RBFOX1: variants seen among roughly 807,000 people sequenced by gnomAD.
The protein encoded by RBFOX1 is RNA binding fox-1 homolog 1.
RBFOX1 carries 8 observed loss-of-function variants against 57.7 expected under a neutral mutation model. The observed-to-expected ratio is 0.14, with a 90% CI of 0.08 to 0.25. RBFOX1 has a LOEUF of 0.25. Among genes scored for constraint, RBFOX1 ranks in the 10% least tolerant of loss-of-function variants. The pLI is 1.00. For synonymous variants in RBFOX1, 326 were observed against 222.4 expected (o/e 1.47, Z -4.15); for missense variants, 611 against 548.5 (o/e 1.11, Z -1.14).
At position 7,460,565 on chromosome 16, in the gene RBFOX1, G is replaced by C. The variant is rs141551714; in HGVS notation, c.28-57582G>C. 1.5e-3 allele frequency among the ~76,000 whole-genome samples: 214 copies of C among 147,040 alleles called. 1 individual carries two copies. Among genetic ancestry groups the C allele is most frequent in the African/African-American group, 5.3e-3 (204 of 38,348 alleles). On this transcript the variant is annotated intron_variant, in intron 4 of 15. Coordinates refer to ENST00000550418, the MANE Select transcript of RBFOX1 (RefSeq NM_018723.4). Reference sequence around the variant, plus strand: ...GAACAACACACAGTGGGGTCTACCAGAGGGTGGAAGGTAGGAGGATGGAAA... The same window carrying C: ...GAACAACACACAGTGGGGTCTACCACAGGGTGGAAGGTAGGAGGATGGAAA...
intron 1 of RBFOX1, among the ~76,000 whole-genome samples, chr16:5,383,028 C>T (rs1448769383): frequency 6.6e-6 from 1 of 152,182 alleles, no homozygotes; most frequent in Non-Finnish European, 1.5e-5. Flanking sequence ...CCCTTGCTCA[C>T]ATGCTATAAA....
At chr16:6,790,579 C>A (rs1355030946) in intron 3 of RBFOX1, among the ~76,000 whole-genome samples, 3 of 152,156 alleles carry the variant, frequency 2.0e-5, no homozygotes, top group East Asian at 3.9e-4. Flanking sequence ...CCATTGTTTT[C>A]CCAACACTGC....
At position 6,522,588 on chromosome 16, in the gene RBFOX1, C is replaced by G. The variant is rs140033674; in HGVS notation, c.-63-132015C>G. Among the ~76,000 whole-genome samples the G allele has an allele frequency of 1.2e-3, 186 of 152,224 alleles. 1 individual carries two copies. Among genetic ancestry groups the G allele is most frequent in the African/African-American group, 4.3e-3 (180 of 41,530 alleles). On this transcript the variant is annotated intron_variant, in intron 2 of 15. Coordinates refer to ENST00000550418, the MANE Select transcript of RBFOX1 (RefSeq NM_018723.4). ...AGCTGACAGGAAAGTGTGAGGGTGG[C>G]TTGTAAAGTTAAATATGACCTGTTC...
At chr16:6,240,176 A>G (rs989199882) in intron 1 of RBFOX1, among the ~76,000 whole-genome samples, 27 of 152,176 alleles carry the variant, frequency 1.8e-4, no homozygotes, top group African/African-American at 6.3e-4. Flanking sequence ...CCAGAAGCCA[A>G]ACAGATGAGA....
At chr16:6,932,645 T>A (rs2076750294) in intron 3 of RBFOX1, among the ~76,000 whole-genome samples, 1 of 152,168 alleles carries the variant, frequency 6.6e-6, no homozygotes, top group African/African-American at 2.4e-5. Context: ...CCAGGCATCT[T>A]TCATGGAGAG....
At chr16:7,579,154 G>C (rs577222623) in intron 5 of RBFOX1, among the ~76,000 whole-genome samples, 22 of 152,330 alleles carry the variant, frequency 1.4e-4, no homozygotes, top group African/African-American at 5.3e-4. Context: ...ATTGTCACAT[G>C]TGGTCAACTG....
chr16:7,370,131 G>C (rs1420445541), intron 4 of RBFOX1, among the ~76,000 whole-genome samples: 5 of 152,140 alleles, frequency 3.3e-5, no homozygotes, highest in Admixed American at 6.5e-5. Context: ...AGGACAATTG[G>C]CAGCAACTCT....
At chr16:6,194,265 C>T (rs957413221) in intron 1 of RBFOX1, among the ~76,000 whole-genome samples, 2 of 152,162 alleles carry the variant, frequency 1.3e-5, no homozygotes, top group Non-Finnish European at 2.9e-5. Flanking sequence ...TTGCCTTATT[C>T]TCACTGTTCT....
At chr16:6,895,842 G>C (rs1246588205) in intron 3 of RBFOX1, among the ~76,000 whole-genome samples, 1 of 151,994 alleles carries the variant, frequency 6.6e-6, no homozygotes, top group Non-Finnish European at 1.5e-5. Flanking sequence ...TGGGATCAGT[G>C]TTACCATGTG....
intron 3 of RBFOX1, among the ~76,000 whole-genome samples, chr16:7,021,496 T>A (rs2039055610): frequency 6.9e-6 from 1 of 145,898 alleles, no homozygotes; most frequent in African/African-American, 2.5e-5. Context: ...TATATTAATA[T>A]TTTATATAAA....
chr16:7,165,654 C>G (rs1056761607), intron 4 of RBFOX1, among the ~76,000 whole-genome samples: 5 of 151,736 alleles, frequency 3.3e-5, no homozygotes, highest in Non-Finnish European at 5.9e-5. Context: ...GTCTCAAACT[C>G]CCGATCTCAG....
rs183614647 is a variant in RBFOX1, at chr16:6,923,087, G to C, written c.-15-128970G>C. 2.3e-3 allele frequency among the ~76,000 whole-genome samples: 355 copies of C among 152,288 alleles called. 2 individuals are homozygous for C. The highest frequency in any genetic ancestry group is 8.3e-3 in the African/African-American group (344 of 41,558). ...AGAGCTGTTATTACCCCTAAGCCCA[G>C]AAGGCAATGAGAGAAAGTGATTTGT... On this transcript the variant is annotated intron_variant, in intron 3 of 15. Transcript: ENST00000550418.
At chr16:6,025,018 C>CCTAT (rs2095160964) in intron 1 of RBFOX1, among the ~76,000 whole-genome samples, 1 of 152,176 alleles carries the variant, frequency 6.6e-6, no homozygotes, top group Non-Finnish European at 1.5e-5. Context: ...GAAGGTTGGT[C>CCTAT]CTATAGGCCC....
intron 2 of RBFOX1, among the ~76,000 whole-genome samples, chr16:6,512,571 G>A (rs2096277235): frequency 6.6e-6 from 1 of 152,160 alleles, no homozygotes; most frequent in Admixed American, 6.5e-5. Flanking sequence ...CCTCTTTTTA[G>A]TCTTCTGCCT....
intron 3 of RBFOX1, among the ~76,000 whole-genome samples, chr16:6,866,302 A>G (rs946889202): frequency 6.6e-6 from 1 of 151,972 alleles, no homozygotes; most frequent in Admixed American, 6.6e-5. Flanking sequence ...GATGGGCTTT[A>G]AGTTTCAAGC....
At chr16:6,152,313 T>C (rs1463969818) in intron 1 of RBFOX1, among the ~76,000 whole-genome samples, 1 of 152,190 alleles carries the variant, frequency 6.6e-6, no homozygotes, top group African/African-American at 2.4e-5. Flanking sequence ...CCTCATCTTT[T>C]CTCCTGCTCT....
chr16:5,253,098 G>C (rs1436479235), intron 1 of RBFOX1, among the ~76,000 whole-genome samples: 1 of 152,010 alleles, frequency 6.6e-6, no homozygotes. Context: ...GCTCAGCTTT[G>C]GAAGAAAGCC....
At chr16:7,202,291 C>A (rs1483941542) in intron 4 of RBFOX1, among the ~76,000 whole-genome samples, 2 of 108,654 alleles carry the variant, frequency 1.8e-5, no homozygotes, top group African/African-American at 7.7e-5. Flanking sequence ...ATTAGGATGG[C>A]TGCAAATAAA....
chr16:6,559,371 C>G (rs74008208), intron 2 of RBFOX1, among the ~76,000 whole-genome samples: 2 of 151,996 alleles, frequency 1.3e-5, no homozygotes, highest in East Asian at 3.9e-4. Context: ...TACACACACA[C>G]GTATGTATAC....
Sources: allele counts gnomAD v4.1 joint callset (sites outside exome capture counted in the v4.1 genomes callset), GRCh38; gene constraint gnomAD v4.1.1; transcripts MANE v1.5; gene names NCBI Gene and HGNC (gene_info 2026-07-23, HGNC 2026-07-21).